Variants in EFCAB5 observed in about 807,000 individuals in gnomAD.
EFCAB5 encodes the protein EF-hand calcium-binding domain-containing protein 5.
EFCAB5 carries 131 observed loss-of-function variants against 167.9 expected under a neutral mutation model. The ratio of observed to expected loss-of-function variants is 0.78; its 90% CI spans 0.68 to 0.90. The LOEUF (loss-of-function observed/expected upper bound fraction) is 0.90, where lower values mean the gene tolerates loss of function less well. EFCAB5 is among the 40% of genes least tolerant of loss of function. The pLI is 0.00. For missense variants in EFCAB5, 1,663 were observed against 1,745.2 expected, an observed-to-expected ratio of 0.95 and a Z score of 0.84; for synonymous variants, 574 against 602.8, an observed-to-expected ratio of 0.95 and a Z score of 0.70.
At chr17:30,004,023 C>T (rs992512079) in intron 7 of EFCAB5, among the ~76,000 whole-genome samples, 5 of 152,160 alleles carry the variant, frequency 3.3e-5, no homozygotes, top group Admixed American at 2.0e-4. Flanking sequence ...AGAAAACTCT[C>T]CACAAAGAAA....
chr17:29,946,843 A>G (rs2067410996), intron 3 of EFCAB5, among the ~76,000 whole-genome samples: 1 of 152,192 alleles, frequency 6.6e-6, no homozygotes, highest in Admixed American at 6.5e-5. Context: ...TATTAAAAAG[A>G]CACCTGCATA....
At chr17:30,011,533 T>C (rs1452927583) in intron 7 of EFCAB5, among the ~76,000 whole-genome samples, 4 of 152,170 alleles carry the variant, frequency 2.6e-5, no homozygotes, top group East Asian at 1.9e-4. Flanking sequence ...CCCTTGTAAG[T>C]TGGATTCCTA....
In EFCAB5 at chr17:30,082,937, G is replaced by A. The variant is rs764551431; in HGVS notation, c.3473G>A (p.Arg1158Gln). The change falls in exon 18 of 23, where the codon CGG (arginine) becomes CAG (glutamine). Residue 1158 changes from arginine to glutamine, a missense_variant. Coordinates refer to ENST00000394835, the MANE Select transcript of EFCAB5 (RefSeq NM_198529.4). ...FSTAYHYVHSREHILHIVITG... is the reference protein window; with the variant it reads ...FSTAYHYVHSQEHILHIVITG... ...ACTGCCTATCACTACGTCCACAGCC[G>A]GGAGCACATTCTGCATATTGTGATC... 36 of 1,613,758 alleles carry A rather than the reference G, an allele frequency of 2.2e-5. No individual in the cohort carries two copies. The highest frequency in any genetic ancestry group is 1.6e-4 in the Middle Eastern group (1 of 6,078).
At chr17:29,959,253 C>T (rs1475322115) in intron 3 of EFCAB5, among the ~76,000 whole-genome samples, 2 of 152,050 alleles carry the variant, frequency 1.3e-5, no homozygotes, top group Non-Finnish European at 2.9e-5. Context: ...CTTTCTGGCC[C>T]AGAGTGAGTC....
intron 4 of EFCAB5, among the ~76,000 whole-genome samples, chr17:29,975,537 G>C (rs1048451622): frequency 3.3e-5 from 5 of 152,100 alleles, no homozygotes; most frequent in Non-Finnish European, 7.4e-5. Context: ...AATTACAGGC[G>C]TGAGCCACCA....
Position 29,964,583 on chromosome 17 carries a change from G to A in EFCAB5, c.191-4208G>A, listed in dbSNP as rs148875088. The stretch of plus-strand genomic sequence containing the variant: ...GCTGGGATTACAGGTGTGAGCCACC[G>A]CGCCCAGCTTATAATTGTTTTTTGT... On this transcript the variant is annotated intron_variant, in intron 3 of 22. Coordinates refer to ENST00000394835, the MANE Select transcript of EFCAB5 (RefSeq NM_198529.4). Among the ~76,000 whole-genome samples the A allele has an allele frequency of 7.2e-3, 1,099 of 152,208 alleles. 14 individuals are homozygous for A. Among genetic ancestry groups the A allele is most frequent in the African/African-American group, 0.023 (938 of 41,530 alleles).
chr17:30,076,706 A>G (rs949981226), intron 14 of EFCAB5, among the ~76,000 whole-genome samples: 1 of 152,242 alleles, frequency 6.6e-6, no homozygotes, highest in Non-Finnish European at 1.5e-5. Context: ...TTACTAATTT[A>G]TAACTGTCAA....
intron 3 of EFCAB5, 119 bp downstream of exon 3, chr17:29,943,768 G>C (rs142828558): frequency 1.4e-6 from 1 of 704,334 alleles, no homozygotes; most frequent in African/African-American, 1.9e-5. Context: ...GAGGTCAGGA[G>C]TTCGAAACCA....
chr17:30,059,360 G>C (rs981711379), intron 13 of EFCAB5, 185 bp from the exon 14 acceptor site: 4 of 461,214 alleles, frequency 8.7e-6, no homozygotes, highest in African/African-American at 8.0e-5. Flanking sequence ...TCAGCCTCTT[G>C]AGTGGCTGGC....
chr17:30,088,632 A>T (rs1187450094), intron 19 of EFCAB5, among the ~76,000 whole-genome samples: 1 of 152,216 alleles, frequency 6.6e-6, no homozygotes, highest in Admixed American at 6.5e-5. Flanking sequence ...TCACTTGTCA[A>T]ATGCAAGGAA....
chr17:30,026,490 T>C (rs1478500714), intron 7 of EFCAB5, among the ~76,000 whole-genome samples: 1 of 152,176 alleles, frequency 6.6e-6, no homozygotes, highest in Non-Finnish European at 1.5e-5. Context: ...TTAATTTGTT[T>C]ACCAGCAAAA....
At chr17:29,993,349 G>C in intron 5 of EFCAB5, 28 bp downstream of exon 5, 1 of 1,594,408 alleles carries the variant, frequency 6.3e-7, no homozygotes, top group East Asian at 2.3e-5. Context: ...ATATGTGAAA[G>C]GTAGGTGGGG....
At chr17:30,004,128 C>T (rs747651044) in intron 7 of EFCAB5, among the ~76,000 whole-genome samples, 6 of 152,238 alleles carry the variant, frequency 3.9e-5, no homozygotes, top group Admixed American at 6.5e-5. Flanking sequence ...TCTCATAAGG[C>T]GTGAATTATT....
intron 5 of EFCAB5, among the ~76,000 whole-genome samples, chr17:29,995,223 GAGA>G (rs2068519016): frequency 6.6e-6 from 1 of 152,192 alleles, no homozygotes; most frequent in Non-Finnish European, 1.5e-5. Context: ...TGTTATGGTG[GAGA>G]AGGACTCTCT....
At position 30,055,971 on chromosome 17, in the gene EFCAB5, T is replaced by A; in HGVS notation, c.2272+6T>A. On this transcript the variant is annotated splice_donor_region_variant and intron_variant, in intron 11 of 22. Transcript: ENST00000394835. ...AGAAGGAAAGTCATGGTCAGGTAAC[T>A]CCTCATTTAATCCTCCTTTCATTTA... 1 of 1,613,628 alleles carries A rather than the reference T, an allele frequency of 6.2e-7. No individual in the cohort carries two copies.
chr17:30,067,249 A>C (rs896779350), intron 14 of EFCAB5, among the ~76,000 whole-genome samples: 16 of 152,320 alleles, frequency 1.1e-4, no homozygotes, highest in African/African-American at 3.6e-4. Context: ...TAATGAACAC[A>C]AATGTAAGAA....
At chr17:29,943,501 T>C (rs2067333115) in intron 2 of EFCAB5, 64 bp from the exon 3 acceptor site, 1 of 1,379,478 alleles carries the variant, frequency 7.2e-7, no homozygotes, top group Non-Finnish European at 9.9e-7. Context: ...ATTGGAATAA[T>C]TTATACAACT....
chr17:30,020,672 TA>T (rs2069157013), intron 7 of EFCAB5, among the ~76,000 whole-genome samples: 1 of 152,110 alleles, frequency 6.6e-6, no homozygotes, highest in South Asian at 2.1e-4. Context: ...GCACTATTCT[TA>T]AAATCTGTAG....
intron 2 of EFCAB5, among the ~76,000 whole-genome samples, chr17:29,942,553 C>T (rs1198817522): frequency 6.6e-6 from 1 of 152,028 alleles, no homozygotes; most frequent in East Asian, 1.9e-4. Context: ...TCTAAAGTTA[C>T]CCTAAAAACT....
Sources: allele counts gnomAD v4.1 joint callset (sites outside exome capture counted in the v4.1 genomes callset), GRCh38; gene constraint gnomAD v4.1.1; transcripts MANE v1.5; gene names NCBI Gene and HGNC (gene_info 2026-07-23, HGNC 2026-07-21).